Variants in PDE4D observed in about 807,000 individuals in gnomAD.
PDE4D encodes 3',5'-cyclic-AMP phosphodiesterase 4D.
Under a neutral mutation model 87.4 loss-of-function variants are expected in PDE4D, and 24 were observed. That is an observed-to-expected ratio of 0.27 (90% CI 0.20 to 0.39). The LOEUF (loss-of-function observed/expected upper bound fraction) is 0.39. Among genes scored for constraint, PDE4D ranks in the 10% least tolerant of loss-of-function variants. PDE4D has a pLI of 1.00. For missense variants in PDE4D, 714 were observed against 1,041.0 expected (o/e 0.69, Z 4.32); for synonymous variants, 384 against 383.2 (o/e 1.00, Z -0.02).
At chr5:59,906,878 G>A (rs1197676763) in intron 3 of PDE4D, among the ~76,000 whole-genome samples, 1 of 151,956 alleles carries the variant, frequency 6.6e-6, no homozygotes, top group Non-Finnish European at 1.5e-5. Flanking sequence ...CCCACAACTG[G>A]GTATATACCC....
Position 60,197,074 on chromosome 5 carries a change from CAGTTAGAT to C in PDE4D, c.-89-11395_-89-11388del, listed in dbSNP as rs1385768666. Among the ~76,000 whole-genome samples the C allele has an allele frequency of 5.2e-3, 276 of 53,466 alleles. 1 individual carries two copies. The highest frequency in any genetic ancestry group is 0.012 in the African/African-American group (225 of 18,222). The allele number at this position is 53,466 out of a possible 152,430, so 35.1% of individuals were successfully genotyped here. ...ATAGATAGATAGATAGATAGATAGACAGTTAGATAGATAGATAGATAGATAGATAGATA... is the reference window on the plus strand; with the variant it reads ...ATAGATAGATAGATAGATAGATAGACAGATAGATAGATAGATAGATAGATA... On this transcript the variant is annotated intron_variant, in intron 1 of 16. Coordinates refer to the PDE4D transcript ENST00000502484.
At chr5:59,872,159 A>T (rs771266878) in intron 1 of PDE4D, among the ~76,000 whole-genome samples, 61 of 152,066 alleles carry the variant, frequency 4.0e-4, no homozygotes, top group Admixed American at 1.8e-3. Context: ...CAGATAACAG[A>T]CATGCCTAGG....
intron 1 of PDE4D, among the ~76,000 whole-genome samples, chr5:59,269,430 G>A (rs530753760): frequency 6.6e-6 from 1 of 152,244 alleles, no homozygotes; most frequent in Admixed American, 6.5e-5. Flanking sequence ...TCTCAGAAGT[G>A]GGAAAAGTTA....
At chr5:59,240,899 C>T (rs906498059) in intron 1 of PDE4D, among the ~76,000 whole-genome samples, 3 of 151,962 alleles carry the variant, frequency 2.0e-5, no homozygotes, top group African/African-American at 7.3e-5. Context: ...AAAATAATGA[C>T]CCTACTGCTA....
At chr5:60,145,542 A>G (rs1252735305) in intron 2 of PDE4D, among the ~76,000 whole-genome samples, 1 of 152,182 alleles carries the variant, frequency 6.6e-6, no homozygotes, top group Admixed American at 6.5e-5. Context: ...TTTGACCCAA[A>G]TCAACCTTGT....
chr5:59,462,287 T>A (rs1020190487), intron 1 of PDE4D, among the ~76,000 whole-genome samples: 3 of 152,086 alleles, frequency 2.0e-5, no homozygotes, highest in Non-Finnish European at 4.4e-5. Flanking sequence ...TGCAAAACTA[T>A]TTCCTTGGAT....
At chr5:59,548,136 AT>A (rs1817577045) in intron 1 of PDE4D, among the ~76,000 whole-genome samples, 1 of 152,144 alleles carries the variant, frequency 6.6e-6, no homozygotes, top group Non-Finnish European at 1.5e-5. Flanking sequence ...TATCCTTTGA[AT>A]TTTTGAGTTT....
intron 2 of PDE4D, chr5:60,185,472 T>A: frequency 1.3e-6 from 1 of 770,682 alleles, no homozygotes; most frequent in Non-Finnish European, 2.2e-6. Flanking sequence ...CTAATCATGA[T>A]AGCATAGCAT....
At chr5:60,205,364 A>G (rs1742376814) in intron 1 of PDE4D, among the ~76,000 whole-genome samples, 1 of 152,154 alleles carries the variant, frequency 6.6e-6, no homozygotes, top group Non-Finnish European at 1.5e-5. Context: ...CTCTGCTTGC[A>G]AACTGGCAAA....
intron 1 of PDE4D, among the ~76,000 whole-genome samples, chr5:59,455,974 T>C (rs1477703123): frequency 3.3e-5 from 5 of 152,368 alleles, no homozygotes; most frequent in South Asian, 4.1e-4. Flanking sequence ...CCATTGTATC[T>C]AGGAAGTAAC....
At chr5:60,150,710 C>T (rs748236019) in intron 2 of PDE4D, among the ~76,000 whole-genome samples, 2 of 152,086 alleles carry the variant, frequency 1.3e-5, no homozygotes, top group Non-Finnish European at 2.9e-5. Flanking sequence ...GACAAGGTCC[C>T]TAAGTACTAG....
intron 1 of PDE4D, among the ~76,000 whole-genome samples, chr5:59,732,298 C>T (rs1580741935): frequency 6.6e-6 from 1 of 151,668 alleles, no homozygotes; most frequent in East Asian, 1.9e-4. Flanking sequence ...TCTCTGAAAA[C>T]CTGTACATTA....
chr5:60,318,993 G>T (rs1036273996), intron 1 of PDE4D, among the ~76,000 whole-genome samples: 1 of 152,128 alleles, frequency 6.6e-6, no homozygotes, highest in Non-Finnish European at 1.5e-5. Flanking sequence ...GAGTATCTTT[G>T]TAGCATTTTC....
chr5:60,455,119 TA>T (rs1746373156), intron 1 of PDE4D, among the ~76,000 whole-genome samples: 1 of 152,160 alleles, frequency 6.6e-6, no homozygotes, highest in South Asian at 2.1e-4. Context: ...TATAAAATTT[TA>T]AAATTCTTGC....
intron 1 of PDE4D, among the ~76,000 whole-genome samples, chr5:59,470,101 GCA>G (rs1802221509): frequency 6.6e-6 from 1 of 152,102 alleles, no homozygotes; most frequent in African/African-American, 2.4e-5. Flanking sequence ...GCACCAGTCT[GCA>G]CACAGAGTTT....
intron 1 of PDE4D, among the ~76,000 whole-genome samples, chr5:60,404,133 T>C (rs1433639332): frequency 1.3e-5 from 2 of 151,498 alleles, no homozygotes; most frequent in South Asian, 2.1e-4. Context: ...AGTTATTTTG[T>C]GTACCCAGCA....
chr5:59,933,590 T>C (rs1756216416), intron 3 of PDE4D, among the ~76,000 whole-genome samples: 1 of 152,180 alleles, frequency 6.6e-6, no homozygotes, highest in African/African-American at 2.4e-5. Context: ...TAGCTATTCT[T>C]ACATTCATTT....
chr5:60,073,876 C>T (rs993016209), intron 2 of PDE4D, among the ~76,000 whole-genome samples: 1 of 151,988 alleles, frequency 6.6e-6, no homozygotes, highest in African/African-American at 2.4e-5. Context: ...GTGGTAATTA[C>T]TATCTTATTT....
chr5:59,323,382 C>T (rs1775062954), intron 1 of PDE4D, among the ~76,000 whole-genome samples: 1 of 151,864 alleles, frequency 6.6e-6, no homozygotes, highest in Non-Finnish European at 1.5e-5. Context: ...TTAATATATC[C>T]CTTGGCATTT....
Sources: gnomAD v4.1 joint callset for allele counts (sites outside exome capture counted in the v4.1 genomes callset) on GRCh38, gnomAD v4.1.1 for gene constraint, MANE v1.5 for transcripts, NCBI Gene and HGNC (gene_info 2026-07-23, HGNC 2026-07-21) for gene names.